The following RBM6 variants were observed in gnomAD, a reference collection of about 807,000 sequenced individuals.
RBM6 encodes the protein RNA binding motif protein 6, also known as RNA-binding protein 6.
Under a neutral mutation model 140.4 loss-of-function variants are expected in RBM6, and 23 were observed. The observed-to-expected ratio is 0.16, with a 90% confidence interval of 0.12 to 0.23. The LOEUF (loss-of-function observed/expected upper bound fraction) is 0.23, where lower values mean the gene tolerates loss of function less well. Among genes scored for constraint, RBM6 ranks in the 10% least tolerant of loss-of-function variants. The pLI is 1.00. For synonymous variants in RBM6, 439 were observed against 475.6 expected (o/e 0.92, Z 1.00); for missense variants, 1,139 against 1,386.7 (o/e 0.82, Z 2.84).
chr3:50,058,219 T>G (rs1015207070), intron 9 of RBM6, among the ~76,000 whole-genome samples, 183 bp from the exon 10 acceptor site: 1 of 152,246 alleles, frequency 6.6e-6, no homozygotes, highest in African/African-American at 2.4e-5. Flanking sequence ...CAGTAAGGCA[T>G]GATTTTAGAT....
intron 6 of RBM6, among the ~76,000 whole-genome samples, chr3:50,015,766 T>A (rs955794349): frequency 2.0e-5 from 3 of 152,180 alleles, no homozygotes; most frequent in Non-Finnish European, 4.4e-5. Flanking sequence ...TAATTGTACA[T>A]GTTTATGGAG....
intron 15 of RBM6, among the ~76,000 whole-genome samples, chr3:50,063,595 CAAAAAAA>C (rs531070691): frequency 3.4e-5 from 3 of 87,236 alleles, no homozygotes; most frequent in African/African-American, 1.3e-4. Flanking sequence ...AGACTTGTCT[CAAAAAAA>C]AAAAAAAAAG....
intron 6 of RBM6, among the ~76,000 whole-genome samples, chr3:50,024,643 C>T (rs1003228539): frequency 6.6e-6 from 1 of 152,142 alleles, no homozygotes; most frequent in African/African-American, 2.4e-5. Context: ...ACCTGGTTAA[C>T]CACCACCCGA....
intron 6 of RBM6, among the ~76,000 whole-genome samples, chr3:50,008,584 T>C (rs922094471): frequency 2.2e-5 from 3 of 139,136 alleles, no homozygotes; most frequent in African/African-American, 8.1e-5. Context: ...AGACGGATCT[T>C]GCTCTGTTGT....
intron 1 of RBM6, among the ~76,000 whole-genome samples, chr3:49,959,937 A>G (rs926489447): frequency 3.9e-5 from 6 of 152,110 alleles, no homozygotes; most frequent in Admixed American, 3.9e-4. Context: ...CACCATATAC[A>G]TGTTGCTTTG....
At chr3:49,983,326 G>T (rs2085395931) in intron 5 of RBM6, among the ~76,000 whole-genome samples, 1 of 152,086 alleles carries the variant, frequency 6.6e-6, no homozygotes, top group African/African-American at 2.4e-5. Context: ...TGACACTGAT[G>T]ATATAAAACA....
At chr3:49,997,761 T>G (rs749151650) in intron 5 of RBM6, among the ~76,000 whole-genome samples, 3 of 152,242 alleles carry the variant, frequency 2.0e-5, no homozygotes, top group Non-Finnish European at 4.4e-5. Context: ...TCAGAGCTGT[T>G]TATAAAATGC....
chr3:49,985,047 C>T (rs532994712), intron 5 of RBM6, among the ~76,000 whole-genome samples: 1 of 152,336 alleles, frequency 6.6e-6, no homozygotes, highest in South Asian at 2.1e-4. Context: ...CTGTTGGCTT[C>T]TATAGTCCTC....
chr3:50,058,623 T>TTC, intron 10 of RBM6, 61 bp downstream of exon 10: 1 of 1,504,286 alleles, frequency 6.6e-7, no homozygotes, highest in South Asian at 1.1e-5. Flanking sequence ...TTCAAGAAGG[T>TTC]TTGACTGGGG....
intron 6 of RBM6, among the ~76,000 whole-genome samples, chr3:50,039,829 G>T (rs1159791693): frequency 6.6e-6 from 1 of 152,158 alleles, no homozygotes; most frequent in Non-Finnish European, 1.5e-5. Flanking sequence ...TTCTCACAAG[G>T]AGAGAAAAGA....
chr3:50,035,124 C>G (rs1559613316), intron 6 of RBM6, among the ~76,000 whole-genome samples: 3 of 149,562 alleles, frequency 2.0e-5, no homozygotes. Context: ...CCATACAGGT[C>G]TGCAGCAACT....
intron 6 of RBM6, among the ~76,000 whole-genome samples, chr3:50,043,912 C>G (rs1278441760): frequency 7.6e-6 from 1 of 131,724 alleles, no homozygotes; most frequent in Admixed American, 8.3e-5. Flanking sequence ...GAGACGGAGT[C>G]TCACTCTGTC....
chr3:49,997,176 T>A (rs1221747863), intron 5 of RBM6, among the ~76,000 whole-genome samples: 3 of 152,016 alleles, frequency 2.0e-5, no homozygotes, highest in Non-Finnish European at 2.9e-5. Flanking sequence ...TTTTTTTTTT[T>A]AACGTTTTAG....
chr3:50,001,880 G>T (rs1361699674), intron 6 of RBM6, among the ~76,000 whole-genome samples: 2 of 152,168 alleles, frequency 1.3e-5, no homozygotes, highest in African/African-American at 2.4e-5. Context: ...ATGAAGCAGG[G>T]TATTGGGAGA....
At chr3:49,950,200 A>G (rs2083673832) in intron 1 of RBM6, among the ~76,000 whole-genome samples, 1 of 152,112 alleles carries the variant, frequency 6.6e-6, no homozygotes, top group East Asian at 1.9e-4. Flanking sequence ...TGATGCTCTT[A>G]GCTGAATGTC....
At chr3:50,059,598 T>G in intron 10 of RBM6, 51 bp from the exon 11 acceptor site, 1 of 1,467,384 alleles carries the variant, frequency 6.8e-7, no homozygotes, top group Non-Finnish European at 9.4e-7. Context: ...TTTTCTGTCT[T>G]TGGGTTCTGG....
intron 6 of RBM6, among the ~76,000 whole-genome samples, chr3:50,020,573 G>A (rs1043016799): frequency 6.6e-6 from 1 of 151,924 alleles, no homozygotes; most frequent in African/African-American, 2.4e-5. Flanking sequence ...TTTCATTATC[G>A]TTTACAGTTG....
intron 6 of RBM6, among the ~76,000 whole-genome samples, chr3:50,041,085 A>G (rs972991804): frequency 2.0e-5 from 3 of 152,222 alleles, no homozygotes; most frequent in Non-Finnish European, 4.4e-5. Flanking sequence ...TGCTGGCGTC[A>G]TATAGTCTAA....
At chr3:49,956,978 TTTTA>T in intron 1 of RBM6, among the ~76,000 whole-genome samples, 1 of 152,172 alleles carries the variant, frequency 6.6e-6, no homozygotes, top group African/African-American at 2.4e-5. Context: ...TTTTTTAATT[TTTTA>T]TTTATTTTTT....
Sources: gnomAD v4.1 joint callset for allele counts (sites outside exome capture counted in the v4.1 genomes callset) on GRCh38, gnomAD v4.1.1 for gene constraint, MANE v1.5 for transcripts, NCBI Gene and HGNC (gene_info 2026-07-23, HGNC 2026-07-21) for gene names.